Variants in SC5D observed in about 807,000 individuals in gnomAD.
SC5D encodes lathosterol oxidase.
In SC5D, 21 loss-of-function variants were observed where a neutral mutation model predicts 23.9. The ratio of observed to expected loss-of-function variants is 0.88; its 90% CI spans 0.62 to 1.26. The LOEUF (loss-of-function observed/expected upper bound fraction) is 1.26. Ranked by LOEUF, SC5D falls within the 50% of genes most tolerant of loss-of-function variation. The pLI is 0.00. For synonymous variants in SC5D, 113 were observed against 125.9 expected (o/e 0.90, Z 0.68); for missense variants, 309 against 364.8 (o/e 0.85, Z 1.25).
At chr11:121,297,720 A>T (rs369983256) in intron 1 of SC5D, among the ~76,000 whole-genome samples, 3 of 152,368 alleles carry the variant, frequency 2.0e-5, no homozygotes, top group African/African-American at 4.8e-5. Flanking sequence ...GAAAATGAAG[A>T]TTCTAACCAT....
intron 1 of SC5D, among the ~76,000 whole-genome samples, chr11:121,302,756 A>G (rs746779091): frequency 1.3e-5 from 2 of 152,194 alleles, no homozygotes; most frequent in Non-Finnish European, 2.9e-5. Context: ...TGGAATATTG[A>G]TTAGAGGTAG....
intron 1 of SC5D, 94 bp from the exon 2 acceptor site, chr11:121,303,272 T>C (rs1426597052): frequency 2.1e-6 from 2 of 930,318 alleles, no homozygotes; most frequent in Non-Finnish European, 3.5e-6. Context: ...TGACTGTTCT[T>C]AAATCAGGAA....
At position 121,310,961 on chromosome 11, in the gene SC5D, G is replaced by A. The variant is rs2134274133; in HGVS notation, c.*3449G>A. 6.6e-6 allele frequency among the ~76,000 whole-genome samples: 1 copy of A among 152,300 alleles called. No individual in the cohort carries two copies. The highest frequency in any genetic ancestry group is 2.4e-5 in the African/African-American group (1 of 41,576). ...AGGCAGTACAAATGGACTAAGACAA[G>A]GGGGAAGAAATTTGCATTCCTGATC... On this transcript the variant is annotated 3_prime_UTR_variant, in exon 5 of 5. Transcript: ENST00000264027.
intron 1 of SC5D, among the ~76,000 whole-genome samples, chr11:121,298,718 C>T (rs867690157): frequency 1.1e-4 from 16 of 152,112 alleles, no homozygotes; most frequent in African/African-American, 3.9e-4. Flanking sequence ...ATAATTGTCA[C>T]GCACGTCCAT....
chr11:121,293,824 C>T (rs1313906134), intron 1 of SC5D, among the ~76,000 whole-genome samples: 1 of 152,200 alleles, frequency 6.6e-6, no homozygotes, highest in African/African-American at 2.4e-5. Flanking sequence ...CAGAATCCCT[C>T]ATCTGCATAT....
intron 1 of SC5D, among the ~76,000 whole-genome samples, chr11:121,297,474 T>G (rs1224366694): frequency 1.3e-5 from 2 of 152,230 alleles, no homozygotes; most frequent in African/African-American, 4.8e-5. Flanking sequence ...AGTTCGGCTC[T>G]CAAAATCATT....
chr11:121,294,368 C>G (rs1031155778), intron 1 of SC5D, among the ~76,000 whole-genome samples: 1 of 152,062 alleles, frequency 6.6e-6, no homozygotes, highest in Admixed American at 6.5e-5. Context: ...CAGAAGTTCA[C>G]GTACTTTGCA....
chr11:121,306,248 A>G, intron 3 of SC5D, 138 bp from the exon 4 acceptor site: 1 of 677,164 alleles, frequency 1.5e-6, no homozygotes, highest in Non-Finnish European at 2.7e-6. Flanking sequence ...AGTTTATAAT[A>G]TACTGAATTA....
Position 121,304,416 on chromosome 11 carries a change from T to G in SC5D, c.266T>G (p.Ile89Ser). The G allele has an allele frequency of 1.2e-6, 2 of 1,612,476 alleles. No individual in the cohort carries two copies. The highest frequency in any genetic ancestry group is 1.7e-6 in the Non-Finnish European group (2 of 1,178,580). The change falls in exon 3 of 5, where the codon ATT (isoleucine) becomes AGT (serine). Residue 89 changes from isoleucine to serine, a missense_variant. By Grantham distance (142) the Ile-to-Ser change is moderately radical. Transcript: ENST00000264027. Reference sequence around the variant, plus strand: ...GTCCAGGCATTGCCATGGATAAGTATTCTTACTGTTGCACTGTTCTTGCTG... The same window carrying G: ...GTCCAGGCATTGCCATGGATAAGTAGTCTTACTGTTGCACTGTTCTTGCTG... ...FTVQALPWIS[I>S]LTVALFLLEI...
chr11:121,297,360 T>C (rs754736189), intron 1 of SC5D, among the ~76,000 whole-genome samples: 10 of 152,236 alleles, frequency 6.6e-5, no homozygotes, highest in Non-Finnish European at 1.0e-4. Context: ...TTAGACATAA[T>C]TCAGTTGAAC....
chr11:121,296,490 T>C (rs1339615452), intron 1 of SC5D, among the ~76,000 whole-genome samples: 1 of 152,238 alleles, frequency 6.6e-6, no homozygotes, highest in Non-Finnish European at 1.5e-5. Context: ...ACCTTTTCTT[T>C]CTGGTGATGT....
In SC5D at chr11:121,306,461, G is replaced by GCCT; in HGVS notation, c.420_422dup (p.Leu141dup). The GCCT allele has an allele frequency of 6.4e-7, 1 of 1,560,570 alleles. No homozygotes were observed. Among genetic ancestry groups the GCCT allele is most frequent in the South Asian group, 1.1e-5 (1 of 90,024 alleles). On this transcript the variant is annotated inframe_insertion, in exon 4 of 5. Coordinates refer to ENST00000264027, the MANE Select transcript of SC5D (RefSeq NM_006918.5). ...ATGTTCATCTACTGGATTCACAGAG[G>GCCT]CCTTCATCATAGACTGGTATATAAG...
At chr11:121,305,207 C>G (rs1197977387) in intron 3 of SC5D, 1 of 149,348 alleles carries the variant, frequency 6.7e-6, no homozygotes, top group African/African-American at 2.5e-5. Flanking sequence ...ATGTAAAAAG[C>G]AAGAATCATA....
chr11:121,301,310 T>G (rs1049540157), intron 1 of SC5D, among the ~76,000 whole-genome samples: 1 of 152,088 alleles, frequency 6.6e-6, no homozygotes, highest in Non-Finnish European at 1.5e-5. Flanking sequence ...AAAGTTTTTT[T>G]TTTTTTTTTT....
intron 1 of SC5D, among the ~76,000 whole-genome samples, chr11:121,302,404 T>C (rs1029056295): frequency 2.0e-5 from 3 of 152,240 alleles, no homozygotes; most frequent in Non-Finnish European, 2.9e-5. Context: ...ATAGATTCCA[T>C]AGTCAGATCA....
chr11:121,292,874 G>T (rs555975325), intron 1 of SC5D, 58 bp downstream of exon 1: 2 of 152,490 alleles, frequency 1.3e-5, no homozygotes, highest in Non-Finnish European at 1.5e-5. Flanking sequence ...GGCTGGGCCG[G>T]GGGGCGATGG....
At chr11:121,303,642 T>C (rs557269798) in intron 2 of SC5D, 57 bp downstream of exon 2, 1 of 1,388,758 alleles carries the variant, frequency 7.2e-7, no homozygotes, top group African/African-American at 1.4e-5. Context: ...CAATATGATA[T>C]ATTTCTGAGA....
At chr11:121,303,847 T>G (rs1268370824) in intron 2 of SC5D, 1 of 382,254 alleles carries the variant, frequency 2.6e-6, no homozygotes, top group East Asian at 5.2e-5. Context: ...ATGCTGATAT[T>G]GATGAGTAAA....
Position 121,312,571 on chromosome 11 carries a change from CAA to C in SC5D, c.*5061_*5062del, listed in dbSNP as rs1288807147. On this transcript the variant is annotated 3_prime_UTR_variant, in exon 5 of 5. Transcript: ENST00000264027. ...AACACTTCACAACTCACGATTCAAA[CAA>C]AGACAAAATAGCATATCAAAAGTTA... is the stretch of plus-strand genomic sequence containing the variant. Among the ~76,000 whole-genome samples, 3 of 152,208 alleles carry C rather than the reference CAA, an allele frequency of 2.0e-5. No homozygotes were observed. The highest frequency in any genetic ancestry group is 1.5e-5 in the Non-Finnish European group (1 of 67,960).
Sources: allele counts gnomAD v4.1 joint callset (sites outside exome capture counted in the v4.1 genomes callset), GRCh38; gene constraint gnomAD v4.1.1; transcripts MANE v1.5; gene names NCBI Gene and HGNC (gene_info 2026-07-23, HGNC 2026-07-21).